The following GDPD4 variants were observed in gnomAD, a reference collection of about 807,000 sequenced individuals.
The protein encoded by GDPD4 is glycerophosphodiester phosphodiesterase 6.
A neutral mutation model predicts 67.8 loss-of-function variants in GDPD4; 60 were observed. The observed-to-expected ratio is 0.88, with a 90% confidence interval of 0.72 to 1.10. GDPD4 has a LOEUF of 1.10. Among genes scored for constraint, GDPD4 ranks in the 50% least tolerant of loss-of-function variants. GDPD4 has a pLI of 0.00. For missense variants in GDPD4, 623 were observed against 613.9 expected, an observed-to-expected ratio of 1.01 and a Z score of -0.16; for synonymous variants, 212 against 210.9, an observed-to-expected ratio of 1.00 and a Z score of -0.04.
At chr11:77,233,004 C>G (rs4945162) in intron 14 of GDPD4, 21 bp downstream of exon 14, 2 of 1,612,356 alleles carry the variant, frequency 1.2e-6, no homozygotes, top group Admixed American at 1.7e-5. Flanking sequence ...CCTGGAAGAA[C>G]AATCTGGACA....
Position 77,233,190 on chromosome 11 carries a change from C to G in GDPD4, c.1242-18G>C. 1 of 1,608,486 alleles carries G rather than the reference C, an allele frequency of 6.2e-7. No individual in the cohort carries two copies. The highest frequency in any genetic ancestry group is 8.5e-7 in the Non-Finnish European group (1 of 1,175,254). On this transcript the variant is annotated intron_variant, in intron 13 of 16. Transcript: ENST00000315938. ...TATAATCTCTGGAACAAAAACAGAA[C>G]CCACAGGGGATTTAGATCAAGTTTC...
chr11:77,223,366 G>A (rs563234697), intron 16 of GDPD4, among the ~76,000 whole-genome samples: 7 of 152,060 alleles, frequency 4.6e-5, no homozygotes, highest in Non-Finnish European at 8.8e-5. Context: ...CTACAGATGG[G>A]GTTTTGGTTA....
At chr11:77,238,466 C>A (rs189590148) in intron 13 of GDPD4, among the ~76,000 whole-genome samples, 125 of 152,002 alleles carry the variant, frequency 8.2e-4, no homozygotes, top group African/African-American at 2.8e-3. Flanking sequence ...AGCCTGTAAT[C>A]CCAGCTACTT....
At chr11:77,279,260 C>G in intron 4 of GDPD4, 46 bp downstream of exon 4, 1 of 1,236,680 alleles carries the variant, frequency 8.1e-7, no homozygotes, top group Non-Finnish European at 1.2e-6. Context: ...AACACCTCAT[C>G]AGGCTACTCA....
chr11:77,281,142 C>A (rs933152659), intron 3 of GDPD4, among the ~76,000 whole-genome samples: 3 of 152,202 alleles, frequency 2.0e-5, no homozygotes, highest in Non-Finnish European at 4.4e-5. Context: ...TTTACTGGGG[C>A]AGCCTAGTCA....
At position 77,217,398 on chromosome 11, in the gene GDPD4, A is replaced by G. The variant is rs1272771570; in HGVS notation, c.1526-84T>C. On this transcript the variant is annotated intron_variant, in intron 16 of 16. Transcript: ENST00000315938. The stretch of plus-strand genomic sequence containing the variant: ...ATGTGTGAAATTCAAGTTATCTCTT[A>G]AATGTTAGCCACTCCCTTACCCTTT... The G allele has an allele frequency of 5.4e-6, 6 of 1,109,200 alleles. No homozygotes were observed. In the Admixed American group the frequency reaches 8.4e-5, roughly 16 times the overall value. 68.7% of individuals were successfully genotyped at this position (1,109,200 alleles called of 1,614,324 possible).
intron 3 of GDPD4, among the ~76,000 whole-genome samples, chr11:77,280,537 T>G (rs1959712222): frequency 6.6e-6 from 1 of 152,190 alleles, no homozygotes; most frequent in African/African-American, 2.4e-5. Flanking sequence ...CAAAGAAAAC[T>G]TAGTGTTTGT....
At chr11:77,255,993 A>T (rs1267254045) in intron 11 of GDPD4, among the ~76,000 whole-genome samples, 2 of 152,240 alleles carry the variant, frequency 1.3e-5, no homozygotes, top group Admixed American at 1.3e-4. Flanking sequence ...TGGTTCCCAC[A>T]TGGTAGCTAA....
chr11:77,286,511 C>T (rs1960002256), intron 2 of GDPD4, among the ~76,000 whole-genome samples: 1 of 152,206 alleles, frequency 6.6e-6, no homozygotes, highest in Non-Finnish European at 1.5e-5. Context: ...CTACCCCTTT[C>T]CTTGTGTTCC....
Position 77,245,578 on chromosome 11 carries a change from A to T in GDPD4, c.865-76T>A, listed in dbSNP as rs1423984574. On this transcript the variant is annotated intron_variant, in intron 11 of 16. Coordinates refer to ENST00000315938, the MANE Select transcript of GDPD4 (RefSeq NM_182833.3). ...ACTATGTAGCCACACATCCAGCTCT[A>T]CCTCAGTTGCTCCATTATCATTCAA... 5.4e-6 allele frequency: 5 copies of T among 930,148 alleles called. No homozygotes were observed. In the East Asian group the frequency reaches 1.3e-4, roughly 24 times the overall value. 57.6% of individuals were successfully genotyped at this position (930,148 alleles called of 1,614,324 possible).
intron 1 of GDPD4, among the ~76,000 whole-genome samples, chr11:77,293,370 G>T (rs1258355948): frequency 6.6e-6 from 1 of 152,176 alleles, no homozygotes; most frequent in Non-Finnish European, 1.5e-5. Context: ...GAGGCAGGCA[G>T]ACTGCTTGAG....
intron 3 of GDPD4, among the ~76,000 whole-genome samples, chr11:77,281,747 C>T (rs1959762781): frequency 6.6e-6 from 1 of 152,094 alleles, no homozygotes; most frequent in South Asian, 2.1e-4. Flanking sequence ...GGAGTAAGCA[C>T]AAACTTTTCC....
At chr11:77,298,007 A>G (rs1371989936) in intron 1 of GDPD4, among the ~76,000 whole-genome samples, 2 of 152,196 alleles carry the variant, frequency 1.3e-5, no homozygotes, top group Non-Finnish European at 2.9e-5. Context: ...ACCCAGCCTC[A>G]GAGCATAAAT....
intron 3 of GDPD4, among the ~76,000 whole-genome samples, chr11:77,280,436 A>C (rs998617238): frequency 6.6e-6 from 1 of 151,368 alleles, no homozygotes; most frequent in Non-Finnish European, 1.5e-5. Flanking sequence ...AAAAAAAAAA[A>C]CATGAAATCT....
At chr11:77,257,964 T>A (rs1386541395) in intron 11 of GDPD4, among the ~76,000 whole-genome samples, 1 of 152,200 alleles carries the variant, frequency 6.6e-6, no homozygotes, top group Non-Finnish European at 1.5e-5. Context: ...AGGCTGGATG[T>A]GTGTTTATTC....
chr11:77,256,496 T>G (rs146480186), intron 11 of GDPD4, among the ~76,000 whole-genome samples: 1,954 of 152,332 alleles, frequency 0.013, 15 homozygotes, highest in Middle Eastern at 0.017. Flanking sequence ...CTATTTCTTA[T>G]ATCAATACTA....
intron 1 of GDPD4, among the ~76,000 whole-genome samples, chr11:77,291,821 G>A (rs1264688761): frequency 2.6e-5 from 4 of 152,002 alleles, no homozygotes; most frequent in East Asian, 3.9e-4. Context: ...AACTGAGGTC[G>A]GGAGTTTGAG....
chr11:77,294,302 G>A (rs186206781), intron 1 of GDPD4, among the ~76,000 whole-genome samples: 99 of 152,244 alleles, frequency 6.5e-4, no homozygotes, highest in Non-Finnish European at 1.3e-3. Flanking sequence ...TACTATCTTT[G>A]TAACTTTTCT....
Position 77,264,625 on chromosome 11 carries a change from T to A in GDPD4, c.707+3832A>T, listed in dbSNP as rs143068462. Among the ~76,000 whole-genome samples, 10 of 152,206 alleles carry A rather than the reference T, an allele frequency of 6.6e-5. No individual in the cohort carries two copies. In the East Asian group the frequency reaches 1.7e-3, roughly 26 times the overall value. On this transcript the variant is annotated intron_variant, in intron 10 of 16. Transcript: ENST00000315938. ...AAAATTTACTATGATGTTTAAGAAG[T>A]TTGAGGTCCCTGATAACTTAGTAAG...
Sources: gnomAD v4.1 joint callset for allele counts (sites outside exome capture counted in the v4.1 genomes callset) on GRCh38, gnomAD v4.1.1 for gene constraint, MANE v1.5 for transcripts, NCBI Gene and HGNC (gene_info 2026-07-23, HGNC 2026-07-21) for gene names.